The following ENTREP2 variants were observed in gnomAD, a reference collection of about 807,000 sequenced individuals.
ENTREP2 encodes endosomal transmembrane epsin interactor 2, also known as protein ENTREP2.
the ENTREP2 span, among the ~76,000 whole-genome samples, chr15:29,413,905 T>C: frequency 1.3e-5 from 2 of 151,952 alleles, no homozygotes; most frequent in African/African-American, 2.4e-5. Flanking sequence ...ACAAAGAAGG[T>C]CATTACATAA....
At chr15:29,416,678 G>A in the ENTREP2 span, among the ~76,000 whole-genome samples, 114,212 of 151,714 alleles carry the variant, frequency 0.75, 44,068 homozygotes, top group African/African-American at 0.92. Flanking sequence ...GCTTCTGCAC[G>A]GCAAAAGAAA....
At chr15:29,566,393 T>C in the ENTREP2 span, among the ~76,000 whole-genome samples, 2 of 152,112 alleles carry the variant, frequency 1.3e-5, no homozygotes, top group Non-Finnish European at 2.9e-5. Flanking sequence ...CTCGATCTCC[T>C]GACCTCGTGA....
the ENTREP2 span, chr15:29,381,664 C>T: frequency 1.2e-6 from 1 of 841,346 alleles, no homozygotes; most frequent in African/African-American, 1.7e-5. Context: ...GCTCTGCTTC[C>T]CGCTGCCTGA....
chr15:29,164,240 T>C, the ENTREP2 span, among the ~76,000 whole-genome samples: 1 of 151,994 alleles, frequency 6.6e-6, no homozygotes, highest in Non-Finnish European at 1.5e-5. Context: ...ACAGGACCTA[T>C]AAAACAAAAA....
the ENTREP2 span, among the ~76,000 whole-genome samples, chr15:29,617,842 C>T: frequency 6.6e-6 from 1 of 152,192 alleles, no homozygotes. Context: ...AGGCCCAGGG[C>T]AGCCTGACAG....
chr15:29,489,432 G>C, the ENTREP2 span, among the ~76,000 whole-genome samples: 1 of 152,260 alleles, frequency 6.6e-6, no homozygotes, highest in East Asian at 1.9e-4. Flanking sequence ...AAACATGGTG[G>C]GGTGATCTTT....
the ENTREP2 span, among the ~76,000 whole-genome samples, chr15:29,603,617 A>G: frequency 1.1e-4 from 17 of 152,248 alleles, no homozygotes; most frequent in East Asian, 3.1e-3. Flanking sequence ...GTGAAACTCC[A>G]ATTTCATTTT....
At chr15:29,241,102 T>C in the ENTREP2 span, among the ~76,000 whole-genome samples, 571 of 152,316 alleles carry the variant, frequency 3.7e-3, 1 homozygote, top group African/African-American at 0.013. Context: ...GCTATCATAA[T>C]GAAGATTTTG....
the ENTREP2 span, among the ~76,000 whole-genome samples, chr15:29,646,104 G>A: frequency 6.6e-6 from 1 of 152,220 alleles, no homozygotes; most frequent in Non-Finnish European, 1.5e-5. Flanking sequence ...GGCCATAAGA[G>A]TGCTTGGCTA....
the ENTREP2 span, among the ~76,000 whole-genome samples, chr15:29,371,149 G>C: frequency 2.0e-5 from 3 of 152,076 alleles, no homozygotes; most frequent in South Asian, 6.2e-4. Flanking sequence ...ACAAATGGCA[G>C]CTTTACCTGG....
At chr15:29,439,074 A>C in the ENTREP2 span, among the ~76,000 whole-genome samples, 1 of 152,116 alleles carries the variant, frequency 6.6e-6, no homozygotes, top group Non-Finnish European at 1.5e-5. Context: ...CCCCTAATAG[A>C]GCATAGAAGC....
At chr15:29,673,009 C>T in the ENTREP2 span, among the ~76,000 whole-genome samples, 6 of 151,974 alleles carry the variant, frequency 3.9e-5, no homozygotes, top group African/African-American at 1.5e-4. Flanking sequence ...ACGAGTTTTC[C>T]AGGAAAGGGG....
At chr15:29,434,045 T>G in the ENTREP2 span, among the ~76,000 whole-genome samples, 1 of 152,198 alleles carries the variant, frequency 6.6e-6, no homozygotes, top group Non-Finnish European at 1.5e-5. Context: ...GAGCTTAGAG[T>G]GTACAACAGT....
chr15:29,530,014 C>T, the ENTREP2 span, among the ~76,000 whole-genome samples: 1 of 152,126 alleles, frequency 6.6e-6, no homozygotes, highest in Non-Finnish European at 1.5e-5. Flanking sequence ...AGACCTCAGG[C>T]CCCACCTAAA....
the ENTREP2 span, among the ~76,000 whole-genome samples, chr15:29,617,600 A>G: frequency 6.6e-6 from 1 of 152,232 alleles, no homozygotes; most frequent in Admixed American, 6.5e-5. Context: ...GAATCCATCA[A>G]CCTACGCCAT....
At chr15:29,414,911 A>T in the ENTREP2 span, among the ~76,000 whole-genome samples, 1 of 152,182 alleles carries the variant, frequency 6.6e-6, no homozygotes, top group African/African-American at 2.4e-5. Context: ...GAAATGGATA[A>T]ATTCCTCGAC....
At chr15:29,502,951 A>C in the ENTREP2 span, among the ~76,000 whole-genome samples, 7 of 152,106 alleles carry the variant, frequency 4.6e-5, no homozygotes, top group South Asian at 2.1e-4. Context: ...GGAAAAAAAA[A>C]CCAGAAAATA....
At chr15:29,278,826 G>A in the ENTREP2 span, among the ~76,000 whole-genome samples, 1 of 152,188 alleles carries the variant, frequency 6.6e-6, no homozygotes, top group Admixed American at 6.5e-5. Context: ...GTTTCCTGGG[G>A]CTGCCACAGC....
chr15:29,277,651 G>A, the ENTREP2 span, among the ~76,000 whole-genome samples: 3 of 152,130 alleles, frequency 2.0e-5, no homozygotes, highest in African/African-American at 7.2e-5. Context: ...CCTGCTGTGC[G>A]GCCAGGTTCC....
Sources: gnomAD v4.1 joint callset for allele counts (sites outside exome capture counted in the v4.1 genomes callset) on GRCh38, gnomAD v4.1.1 for gene constraint, MANE v1.5 for transcripts, NCBI Gene and HGNC (gene_info 2026-07-23, HGNC 2026-07-21) for gene names.